The following GPC5 variants were observed in gnomAD, a reference collection of about 807,000 sequenced individuals.
GPC5 encodes glypican 5, also known as glypican-5.
Under a neutral mutation model 53.9 loss-of-function variants are expected in GPC5, and 47 were observed. The observed-to-expected ratio is 0.87, with a 90% CI of 0.69 to 1.11. The LOEUF (loss-of-function observed/expected upper bound fraction) is 1.11. Among genes scored for constraint, GPC5 ranks in the 50% most tolerant of loss-of-function variants. The pLI, the probability that GPC5 is intolerant of heterozygous loss-of-function variation, is 0.00. For missense variants in GPC5, 748 were observed against 713.1 expected, an observed-to-expected ratio of 1.05 and a Z score of -0.56; for synonymous variants, 286 against 263.3, an observed-to-expected ratio of 1.09 and a Z score of -0.84.
chr13:92,699,817 T>C (rs914928602), intron 7 of GPC5, among the ~76,000 whole-genome samples: 4 of 152,202 alleles, frequency 2.6e-5, no homozygotes, highest in African/African-American at 9.6e-5. Context: ...TTCCGTTCTT[T>C]TGCATTTGCT....
At chr13:91,732,193 CTGT>C (rs2140026873) in intron 4 of GPC5, among the ~76,000 whole-genome samples, 1 of 152,290 alleles carries the variant, frequency 6.6e-6, no homozygotes, top group Admixed American at 6.5e-5. Flanking sequence ...TCTCCAGCAT[CTGT>C]TGTTTTCTGA....
At chr13:92,605,811 G>T (rs1013002791) in intron 7 of GPC5, among the ~76,000 whole-genome samples, 1 of 151,244 alleles carries the variant, frequency 6.6e-6, no homozygotes, top group East Asian at 2.0e-4. Flanking sequence ...GAAAAAAAAA[G>T]TTTGCCTGGA....
At chr13:92,564,762 A>G (rs1048815402) in intron 7 of GPC5, among the ~76,000 whole-genome samples, 1 of 152,012 alleles carries the variant, frequency 6.6e-6, no homozygotes, top group African/African-American at 2.4e-5. Context: ...ATCGGCAGGT[A>G]AGAACATGTG....
intron 7 of GPC5, among the ~76,000 whole-genome samples, chr13:92,221,259 T>C (rs376987173): frequency 3.9e-5 from 6 of 152,182 alleles, no homozygotes; most frequent in African/African-American, 1.4e-4. Context: ...GTTTCCATTA[T>C]TTTGGCCAAT....
intron 7 of GPC5, among the ~76,000 whole-genome samples, chr13:92,477,727 T>C (rs979175931): frequency 3.3e-5 from 5 of 152,174 alleles, no homozygotes; most frequent in African/African-American, 4.8e-5. Context: ...GAAATCTTTT[T>C]AGTGCTCTGA....
chr13:92,129,083 C>T lies in GPC5; in HGVS notation c.1402-15747C>T, dbSNP rs552600659. Among the ~76,000 whole-genome samples the T allele has an allele frequency of 2.7e-3, 418 of 152,312 alleles. 1 individual carries two copies. Among genetic ancestry groups the T allele is most frequent in the African/African-American group, 8.7e-3 (360 of 41,566 alleles). ...GCCAACCCCCTTGTTCAACACATTT[C>T]TAAGATTTTGAAGCTGAATAGGGTG... On this transcript the variant is annotated intron_variant, in intron 6 of 7. Coordinates refer to ENST00000377067, the MANE Select transcript of GPC5 (RefSeq NM_004466.6).
chr13:92,586,960 A>G (rs201723211), intron 7 of GPC5, among the ~76,000 whole-genome samples: 7 of 110,162 alleles, frequency 6.4e-5, no homozygotes, highest in African/African-American at 2.7e-4. Flanking sequence ...ACACACACAC[A>G]CACGCGCACA....
intron 5 of GPC5, among the ~76,000 whole-genome samples, chr13:91,877,969 C>T (rs757364918): frequency 2.0e-4 from 31 of 152,098 alleles, no homozygotes; most frequent in Non-Finnish European, 4.0e-4. Context: ...CAGGAGTTTT[C>T]GCTTTTGCTT....
At chr13:92,833,020 A>C (rs1878102142) in intron 7 of GPC5, among the ~76,000 whole-genome samples, 1 of 152,158 alleles carries the variant, frequency 6.6e-6, no homozygotes, top group Admixed American at 6.5e-5. Flanking sequence ...CAAACAAAAC[A>C]AAACAAAAAA....
intron 2 of GPC5, among the ~76,000 whole-genome samples, chr13:91,450,331 A>G (rs1881095613): frequency 1.3e-5 from 2 of 152,266 alleles, no homozygotes; most frequent in South Asian, 2.1e-4. Flanking sequence ...AGAAAATTAT[A>G]TTTTCTTCCA....
At chr13:91,550,392 C>T (rs949211620) in intron 2 of GPC5, among the ~76,000 whole-genome samples, 1 of 152,038 alleles carries the variant, frequency 6.6e-6, no homozygotes, top group Non-Finnish European at 1.5e-5. Flanking sequence ...TATAGGTTCA[C>T]CAGTTGTAAC....
intron 7 of GPC5, among the ~76,000 whole-genome samples, chr13:92,391,683 A>G (rs1042272479): frequency 6.6e-6 from 1 of 152,204 alleles, no homozygotes; most frequent in Non-Finnish European, 1.5e-5. Context: ...TTACTTTAAT[A>G]TCTAATACTG....
chr13:92,753,769 A>C (rs1166976583), intron 7 of GPC5, among the ~76,000 whole-genome samples: 1 of 152,074 alleles, frequency 6.6e-6, no homozygotes, highest in African/African-American at 2.4e-5. Flanking sequence ...CGAGAAGGGA[A>C]GTTTAGAAAA....
intron 7 of GPC5, among the ~76,000 whole-genome samples, chr13:92,757,298 A>G (rs1300051164): frequency 5.9e-5 from 9 of 152,210 alleles, no homozygotes. Flanking sequence ...CTGAAACTGG[A>G]TCCCTTCCTT....
At chr13:91,736,859 C>T (rs9583959) in intron 4 of GPC5, among the ~76,000 whole-genome samples, 2,844 of 150,956 alleles carry the variant, frequency 0.019, 253 homozygotes, top group African/African-American at 0.068. Context: ...AAGTTCAGGA[C>T]AGTGGGTTTT....
rs142668351 is a variant in GPC5, at chr13:92,308,138, G to A, written c.1561+163149G>A. Among the ~76,000 whole-genome samples, 1,230 of 152,238 alleles carry A rather than the reference G, an allele frequency of 8.1e-3. 63 individuals carry two copies. Among genetic ancestry groups the A allele is most frequent in the Admixed American group, 0.067 (1,024 of 15,282 alleles). Reference sequence around the variant, plus strand: ...AGAAAAAATAACTTTGTTCAATGCCGTGATTTTCTATTACTACTTTTGTAA... The same window carrying A: ...AGAAAAAATAACTTTGTTCAATGCCATGATTTTCTATTACTACTTTTGTAA... On this transcript the variant is annotated intron_variant, in intron 7 of 7. Transcript: ENST00000377067.
At chr13:92,820,685 T>C (rs1418229409) in intron 7 of GPC5, among the ~76,000 whole-genome samples, 2 of 152,216 alleles carry the variant, frequency 1.3e-5, no homozygotes, top group Non-Finnish European at 2.9e-5. Flanking sequence ...TACATCATTC[T>C]TTCAATTTTC....
At chr13:91,633,698 C>T (rs943257079) in intron 2 of GPC5, among the ~76,000 whole-genome samples, 5 of 152,068 alleles carry the variant, frequency 3.3e-5, no homozygotes, top group East Asian at 1.9e-4. Context: ...TCCAATTTAC[C>T]GTGTTTGAAA....
At chr13:92,131,351 T>C (rs1158305770) in intron 6 of GPC5, among the ~76,000 whole-genome samples, 5 of 152,020 alleles carry the variant, frequency 3.3e-5, no homozygotes, top group Non-Finnish European at 5.9e-5. Flanking sequence ...TCAAGATCAT[T>C]GAGTACTTCA....
Sources: gnomAD v4.1 joint callset for allele counts (sites outside exome capture counted in the v4.1 genomes callset) on GRCh38, gnomAD v4.1.1 for gene constraint, MANE v1.5 for transcripts, NCBI Gene and HGNC (gene_info 2026-07-23, HGNC 2026-07-21) for gene names.